The following ROR1 variants were observed in gnomAD, a reference collection of about 807,000 sequenced individuals.
The protein encoded by ROR1 is ROR family WNT receptor 1.
ROR1 carries 19 observed loss-of-function variants against 78.8 expected under a neutral mutation model. The ratio of observed to expected loss-of-function variants is 0.24; its 90% CI spans 0.17 to 0.35. ROR1 has a LOEUF of 0.35. Ranked by LOEUF, ROR1 falls within the 10% of genes least tolerant of loss-of-function variation. ROR1 has a pLI of 1.00. For missense variants in ROR1, 917 were observed against 1,177.8 expected (o/e 0.78, Z 3.24); for synonymous variants, 386 against 433.6 (o/e 0.89, Z 1.36).
Position 63,774,608 on chromosome 1 carries a change from T to C in ROR1, c.91+100T>C. On this transcript the variant is annotated intron_variant, in intron 1 of 8. Transcript: ENST00000371079. The surrounding 1 kb of genome is among the most constrained non-coding windows in gnomAD (Gnocchi z 5.7). ...GCGGGACACGCAGGAAGCGCCGCGC[T>C]GGCTCCGGGGCGCGTCCGGCCACCC... is the stretch of plus-strand genomic sequence containing the variant. 1.6e-6 allele frequency: 1 copy of C among 608,380 alleles called. No individual in the cohort carries two copies. The highest frequency in any genetic ancestry group is 2.1e-6 in the Non-Finnish European group (1 of 484,140). The allele number at this position is 608,380 out of a possible 1,614,324, so 37.7% of individuals were successfully genotyped here.
At chr1:63,891,537 GGA>G (rs1645396172) in intron 1 of ROR1, among the ~76,000 whole-genome samples, 1 of 152,128 alleles carries the variant, frequency 6.6e-6, no homozygotes, top group African/African-American at 2.4e-5. Context: ...CTAGGCTAAG[GGA>G]GGCCCAGGTA....
intron 8 of ROR1, among the ~76,000 whole-genome samples, chr1:64,162,628 A>C (rs985266545): frequency 6.6e-6 from 1 of 152,192 alleles, no homozygotes; most frequent in Non-Finnish European, 1.5e-5. Context: ...CAGGAGAAGA[A>C]GTAGACTGCA....
intron 1 of ROR1, among the ~76,000 whole-genome samples, chr1:63,857,060 G>A (rs1312397653): frequency 6.6e-6 from 1 of 151,974 alleles, no homozygotes; most frequent in African/African-American, 2.4e-5. Flanking sequence ...AGACTCAGGT[G>A]TGTAACAGTT....
chr1:64,114,691 G>A (rs1487712718), intron 4 of ROR1, among the ~76,000 whole-genome samples: 1 of 152,034 alleles, frequency 6.6e-6, no homozygotes, highest in African/African-American at 2.4e-5. Context: ...AATTCAAACG[G>A]GTATCAACTG....
At chr1:63,815,552 G>A (rs1045621540) in intron 1 of ROR1, among the ~76,000 whole-genome samples, 7 of 125,174 alleles carry the variant, frequency 5.6e-5, no homozygotes, top group African/African-American at 2.2e-4. Context: ...TAATATACTT[G>A]CTTGTGTATG....
chr1:63,840,437 G>C (rs775442082), intron 1 of ROR1, among the ~76,000 whole-genome samples: 1 of 151,596 alleles, frequency 6.6e-6, no homozygotes. Flanking sequence ...ACGCCACCAC[G>C]CCTAGCTAAT....
intron 1 of ROR1, among the ~76,000 whole-genome samples, chr1:63,804,916 A>C (rs528185325): frequency 6.6e-6 from 1 of 152,290 alleles, no homozygotes; most frequent in East Asian, 1.9e-4. Context: ...CCACCTTGGG[A>C]ATGCTAGAGC....
intron 1 of ROR1, among the ~76,000 whole-genome samples, chr1:63,787,476 T>TCCTTCCTTCCTTCCTTCCTG (rs1331155403): frequency 3.5e-4 from 47 of 132,548 alleles, no homozygotes; most frequent in African/African-American, 1.1e-3. Flanking sequence ...CTTCCTTCCT[T>TCCTTCCTTCCTTCCTTCCTG]CCTTCCTGCC....
At position 63,808,811 on chromosome 1, in the gene ROR1, T is replaced by A. The variant is rs534791344; in HGVS notation, c.91+34303T>A. ...ACCAATCTATAGTACCTATCAGCAGTCACATATAAGAAAATTAGTTTTCAT... is the reference window on the plus strand; with the variant it reads ...ACCAATCTATAGTACCTATCAGCAGACACATATAAGAAAATTAGTTTTCAT... On this transcript the variant is annotated intron_variant, in intron 1 of 8. Transcript: ENST00000371079. Among the ~76,000 whole-genome samples the A allele has an allele frequency of 4.0e-5, 6 of 151,586 alleles. No individual in the cohort carries two copies. The South Asian group carries it at 1.3e-3, about 32-fold the overall frequency.
intron 2 of ROR1, among the ~76,000 whole-genome samples, chr1:64,034,510 A>T (rs1337738165): frequency 6.6e-6 from 1 of 152,176 alleles, no homozygotes; most frequent in African/African-American, 2.4e-5. Flanking sequence ...TTTATAGCAA[A>T]AATGAATTAT....
At chr1:64,007,794 G>T (rs1646440942) in intron 1 of ROR1, among the ~76,000 whole-genome samples, 1 of 152,108 alleles carries the variant, frequency 6.6e-6, no homozygotes. Flanking sequence ...TTAGTTACAG[G>T]AGCAATGTTG....
At chr1:64,018,531 TTCTTCC>T (rs1022147520) in intron 2 of ROR1, among the ~76,000 whole-genome samples, 10 of 152,176 alleles carry the variant, frequency 6.6e-5, no homozygotes, top group African/African-American at 2.4e-4. Flanking sequence ...TGCATGTATG[TTCTTCC>T]TCTTCTTCTC....
intron 1 of ROR1, among the ~76,000 whole-genome samples, chr1:63,946,232 A>C (rs933197490): frequency 2.0e-5 from 3 of 152,116 alleles, no homozygotes; most frequent in African/African-American, 7.2e-5. Context: ...ACCTAATCAA[A>C]TAGCTATTGG....
intron 2 of ROR1, among the ~76,000 whole-genome samples, chr1:64,031,160 G>A (rs972182470): frequency 3.3e-5 from 5 of 152,138 alleles, no homozygotes; most frequent in African/African-American, 9.7e-5. Context: ...GAGCCACCAC[G>A]CCCAGCTTCT....
chr1:63,948,432 T>G (rs1645908324), intron 1 of ROR1, among the ~76,000 whole-genome samples: 1 of 152,108 alleles, frequency 6.6e-6, no homozygotes, highest in African/African-American at 2.4e-5. Flanking sequence ...TCCTGATAAC[T>G]GATATTGATA....
chr1:63,944,335 GA>G (rs1235650096), intron 1 of ROR1, among the ~76,000 whole-genome samples: 3 of 151,966 alleles, frequency 2.0e-5, no homozygotes, highest in East Asian at 1.9e-4. Flanking sequence ...AAAGGAAGAA[GA>G]AAAAAAAGAA....
chr1:64,078,824 G>A (rs1396222543), intron 4 of ROR1, among the ~76,000 whole-genome samples: 2 of 152,200 alleles, frequency 1.3e-5, no homozygotes, highest in Non-Finnish European at 2.9e-5. Context: ...AGTCCAACAA[G>A]GAGAGTGAGA....
intron 4 of ROR1, among the ~76,000 whole-genome samples, chr1:64,114,493 A>G (rs1472754655): frequency 6.6e-6 from 1 of 152,168 alleles, no homozygotes; most frequent in East Asian, 1.9e-4. Flanking sequence ...TGATACAGGT[A>G]GTACTGAAAG....
intron 1 of ROR1, among the ~76,000 whole-genome samples, chr1:63,962,402 C>T (rs1015919756): frequency 4.6e-5 from 7 of 152,140 alleles, no homozygotes; most frequent in South Asian, 2.1e-4. Context: ...ACTGAGAATA[C>T]GGAGATGAAA....
Sources: allele counts gnomAD v4.1 joint callset (sites outside exome capture counted in the v4.1 genomes callset), GRCh38; gene constraint gnomAD v4.1.1; non-coding constraint Gnocchi (gnomAD v3.1); transcripts MANE v1.5; gene names NCBI Gene and HGNC (gene_info 2026-07-23, HGNC 2026-07-21).